The following SP140L variants were observed in gnomAD, a reference collection of about 807,000 sequenced individuals.
SP140L encodes the protein nuclear body protein SP140-like protein.
A neutral mutation model predicts 84.3 loss-of-function variants in SP140L; 64 were observed. That is an observed-to-expected ratio of 0.76 (90% confidence interval 0.62 to 0.94). The LOEUF is 0.94. Among genes scored for constraint, SP140L ranks in the 40% least tolerant of loss-of-function variants. The pLI, the probability that SP140L is intolerant of heterozygous loss-of-function variation, is 0.00. For missense variants in SP140L, 628 were observed against 692.5 expected (o/e 0.91, Z 1.05); for synonymous variants, 242 against 236.9 (o/e 1.02, Z -0.20).
intron 4 of SP140L, among the ~76,000 whole-genome samples, chr2:230,361,218 C>A (rs1477255013): frequency 6.6e-6 from 1 of 152,152 alleles, no homozygotes; most frequent in Non-Finnish European, 1.5e-5. Context: ...TCCCACAGTT[C>A]TACGATTACA....
intron 4 of SP140L, among the ~76,000 whole-genome samples, chr2:230,359,484 C>A (rs898387230): frequency 6.6e-6 from 1 of 152,168 alleles, no homozygotes; most frequent in Non-Finnish European, 1.5e-5. Context: ...ACTAAATTGA[C>A]TACTACCTGC....
chr2:230,381,658 ACAAG>A (rs1223278277), intron 7 of SP140L, among the ~76,000 whole-genome samples: 9 of 152,028 alleles, frequency 5.9e-5, no homozygotes, highest in African/African-American at 2.2e-4. Context: ...GAGTCCAAAA[ACAAG>A]CAAAACAACC....
intron 5 of SP140L, among the ~76,000 whole-genome samples, chr2:230,366,582 C>G (rs1234758180): frequency 6.6e-6 from 1 of 151,490 alleles, no homozygotes; most frequent in East Asian, 1.9e-4. Flanking sequence ...TTCAGCCACT[C>G]TGTCTTTTGA....
In SP140L at chr2:230,402,770, C is replaced by T. The variant is rs529612699; in HGVS notation, c.1645-28C>T. 38 of 1,549,254 alleles carry T rather than the reference C, an allele frequency of 2.5e-5. No homozygotes were observed. In the South Asian group the frequency reaches 2.8e-4, roughly 11 times the overall value. On this transcript the variant is annotated intron_variant, in intron 18 of 18. Coordinates refer to ENST00000415673, the MANE Select transcript of SP140L (RefSeq NM_138402.6). ...TAATGACACTAATGATAAGGAACAT[C>T]GTTTTTGTCTTTATTACTTTTTTCC...
At chr2:230,384,700 G>A (rs1368825272) in intron 8 of SP140L, among the ~76,000 whole-genome samples, 1 of 152,078 alleles carries the variant, frequency 6.6e-6, no homozygotes, top group Admixed American at 6.6e-5. Flanking sequence ...ATCACTTGAG[G>A]TTGGAGTTCG....
intron 5 of SP140L, 104 bp from the exon 6 acceptor site, chr2:230,370,804 G>A (rs756325251): frequency 1.9e-6 from 2 of 1,073,186 alleles, no homozygotes; most frequent in Non-Finnish European, 1.4e-6. Flanking sequence ...CAGAAAAGAG[G>A]GTTATTGGGG....
intron 6 of SP140L, 70 bp from the exon 7 acceptor site, chr2:230,371,528 G>A (rs2061070545): frequency 7.6e-7 from 1 of 1,312,256 alleles, no homozygotes; most frequent in Non-Finnish European, 1.1e-6. Context: ...TCTATAGTAT[G>A]AATTGTCCTA....
At chr2:230,335,011 T>C (rs2149679801) in intron 2 of SP140L, among the ~76,000 whole-genome samples, 1 of 152,242 alleles carries the variant, frequency 6.6e-6, no homozygotes, top group African/African-American at 2.4e-5. Flanking sequence ...GTTTTAATTC[T>C]TTCCTTCTCT....
chr2:230,337,992 C>A (rs1249158318), intron 2 of SP140L, among the ~76,000 whole-genome samples: 1 of 149,652 alleles, frequency 6.7e-6, no homozygotes, highest in Non-Finnish European at 1.5e-5. Flanking sequence ...TTTTTTGGTT[C>A]CATATGAACT....
In SP140L at chr2:230,348,143, G is replaced by A. The variant is rs975971116; in HGVS notation, c.108-9662G>A. On this transcript the variant is annotated intron_variant, in intron 2 of 18. Coordinates refer to ENST00000415673, the MANE Select transcript of SP140L (RefSeq NM_138402.6). ...GGCTCAGGAAAACCCTCTTGATATG[G>A]CACTTTGCCAGCCTTGGGGAGGAGC... is the stretch of plus-strand genomic sequence containing the variant. Among the ~76,000 whole-genome samples the A allele has an allele frequency of 2.0e-5, 3 of 152,172 alleles. No individual in the cohort carries two copies. In the East Asian group the frequency reaches 5.8e-4, roughly 29 times the overall value.
chr2:230,401,320 C>T (rs1453068482), intron 16 of SP140L, 46 bp from the exon 17 acceptor site: 22 of 1,609,016 alleles, frequency 1.4e-5, no homozygotes, highest in East Asian at 4.5e-5. Flanking sequence ...CATGTGGGCT[C>T]ATTCTCTCCA....
rs552311368 is a variant in SP140L at position 230,335,790 on chromosome 2, G to A, written c.107+6959G>A. Reference sequence around the variant, plus strand: ...AGCTCTGCCACTGCATAGATGTGGAGGTGGGGCAAGCCTTGTTTCTTCCCT... The same window carrying A: ...AGCTCTGCCACTGCATAGATGTGGAAGTGGGGCAAGCCTTGTTTCTTCCCT... On this transcript the variant is annotated intron_variant, in intron 2 of 18. Transcript: ENST00000415673. Among the ~76,000 whole-genome samples the A allele has an allele frequency of 2.4e-4, 37 of 152,300 alleles. No homozygotes were observed. The East Asian group carries it at 5.6e-3, about 23-fold the overall frequency.
At chr2:230,359,265 C>T (rs2060642904) in intron 4 of SP140L, 133 bp downstream of exon 4, 2 of 742,884 alleles carry the variant, frequency 2.7e-6, no homozygotes, top group South Asian at 3.8e-5. Context: ...ATAGACGTGT[C>T]ATGAGTCTTC....
At chr2:230,342,482 C>G (rs961738700) in intron 2 of SP140L, among the ~76,000 whole-genome samples, 12 of 152,218 alleles carry the variant, frequency 7.9e-5, no homozygotes, top group African/African-American at 2.7e-4. Context: ...AGCTGTAGAC[C>G]GGAGCTGTTC....
chr2:230,398,067 G>C (rs2062132696), intron 14 of SP140L, among the ~76,000 whole-genome samples: 1 of 152,002 alleles, frequency 6.6e-6, no homozygotes, highest in South Asian at 2.1e-4. Context: ...CTTGCATCTT[G>C]GAGTCACCTG....
At position 230,327,288 on chromosome 2, in the gene SP140L, G is replaced by C. The variant is rs183096781; in HGVS notation, c.19G>C (p.Asp7His). Residue 7 changes from aspartate (D) to histidine (H), a missense_variant, in exon 1 of 19, where the codon GAC (aspartate) becomes CAC (histidine). Physicochemically the swap from Asp to His is moderately conservative, Grantham distance 81 (BLOSUM62 -1). Around this residue, in one of 4 missense-constraint regions of SP140L, gnomAD observed 525 missense variants for 518.4 expected, o/e 1.01. Transcript: ENST00000415673. ...TGGGACGATGGCAGGTGGGGGCAGC[G>C]ACCTGAGCACCAGGTGAGTCTTTAT... MAGGGS[D>H]LSTRGLNGGV... 51 of 1,611,880 alleles carry C rather than the reference G, an allele frequency of 3.2e-5. No homozygotes were observed. In the Middle Eastern group the frequency reaches 9.9e-4, roughly 31 times the overall value.
At chr2:230,394,399 T>G (rs911775245) in intron 13 of SP140L, among the ~76,000 whole-genome samples, 2 of 152,204 alleles carry the variant, frequency 1.3e-5, no homozygotes, top group African/African-American at 2.4e-5. Context: ...AGCTCACACA[T>G]AGCTAGCCAC....
rs1325950081 is a variant in SP140L at position 230,328,788 on chromosome 2, A to G, written c.64A>G (p.Asn22Asp). Reference protein sequence around the residue: ...GLNGGVSQVANEMNHLPAHSQ... With the variant: ...GLNGGVSQVADEMNHLPAHSQ... ...GAACGGAGGTGTTTCACAAGTAGCA[A>G]ATGAGATGAACCATCTTCCTGCACA... is the stretch of plus-strand genomic sequence containing the variant. Residue 22 changes from asparagine (N) to aspartate (D), a missense_variant, in exon 2 of 19, where the codon AAT becomes GAT. Physicochemically the swap from Asn to Asp is conservative, Grantham distance 23. This residue lies in a region of SP140L where 525 missense variants were observed against 518.4 expected (regional missense o/e 1.01). Coordinates refer to ENST00000415673, the MANE Select transcript of SP140L (RefSeq NM_138402.6). The G allele has an allele frequency of 3.1e-6, 5 of 1,612,824 alleles. No homozygotes were observed. Among genetic ancestry groups the G allele is most frequent in the South Asian group, 2.2e-5 (2 of 90,910 alleles).
intron 15 of SP140L, 54 bp from the exon 16 acceptor site, chr2:230,400,901 C>T (rs2062304367): frequency 1.7e-6 from 2 of 1,206,148 alleles, no homozygotes; most frequent in Non-Finnish European, 2.3e-6. Context: ...GCCACAGGAA[C>T]GGTGGCCATT....
Sources: allele counts gnomAD v4.1 joint callset (sites outside exome capture counted in the v4.1 genomes callset), GRCh38; gene constraint gnomAD v4.1.1; regional missense constraint gnomAD v4.1.1; transcripts MANE v1.5; gene names NCBI Gene and HGNC (gene_info 2026-07-23, HGNC 2026-07-21).